The following SEC63 variants were observed in gnomAD, a reference collection of about 807,000 sequenced individuals.
The protein encoded by SEC63 is SEC63 protein translocation regulator.
SEC63 carries 56 observed loss-of-function variants against 116.2 expected under a neutral mutation model. The observed-to-expected ratio is 0.48, with a 90% CI of 0.39 to 0.60. The LOEUF (loss-of-function observed/expected upper bound fraction) is 0.60. SEC63 is among the 20% of genes least tolerant of loss of function. SEC63 has a pLI of 0.00. For synonymous variants in SEC63, 273 were observed against 294.6 expected, an observed-to-expected ratio of 0.93 and a Z score of 0.75; for missense variants, 668 against 900.0, an observed-to-expected ratio of 0.74 and a Z score of 3.30.
chr6:107,929,386 A>C, intron 2 of SEC63, 29 bp downstream of exon 2: 1 of 1,124,366 alleles, frequency 8.9e-7, no homozygotes, highest in Non-Finnish European at 1.4e-6. Flanking sequence ...AGCATTAAGT[A>C]GGTTTTTTTC....
At chr6:107,896,871 C>T (rs560567553) in intron 14 of SEC63, among the ~76,000 whole-genome samples, 3 of 151,584 alleles carry the variant, frequency 2.0e-5, no homozygotes, top group South Asian at 4.2e-4. Context: ...CCCAGCTACT[C>T]GGGAGGCTGA....
intron 4 of SEC63, among the ~76,000 whole-genome samples, chr6:107,916,679 TC>T (rs1431269933): frequency 6.6e-6 from 1 of 152,362 alleles, no homozygotes; most frequent in African/African-American, 2.4e-5. Flanking sequence ...TTGGTAAGTC[TC>T]ACAATATATC....
chr6:107,921,777 T>G lies in SEC63; in HGVS notation c.452+20A>C. The G allele has an allele frequency of 6.8e-7, 1 of 1,464,784 alleles. No individual in the cohort carries two copies. The highest frequency in any genetic ancestry group is 2.3e-5 in the East Asian group (1 of 44,192). The allele number at this position is 1,464,784 out of a possible 1,614,324, so 90.7% of individuals were successfully genotyped here. On this transcript the variant is annotated intron_variant, in intron 4 of 20. Transcript: ENST00000369002. ...TATCTGTACCATTCTTAAAAATTTG[T>G]AATGGATCCTGATACTTACGCAGCA...
rs762970611 is a variant in SEC63, at chr6:107,893,671, C to T, written c.1501-16G>A. The stretch of plus-strand genomic sequence containing the variant: ...TTTCACCCTGCTGTGAATCATAACA[C>T]GTCACACTCTTAAGTTATAGCAACA... On this transcript the variant is annotated splice_polypyrimidine_tract_variant and intron_variant, in intron 15 of 20. Transcript: ENST00000369002. The T allele has an allele frequency of 5.0e-6, 8 of 1,613,462 alleles. No individual in the cohort carries two copies. Among genetic ancestry groups the T allele is most frequent in the Admixed American group, 3.3e-5 (2 of 59,972 alleles).
At position 107,893,189 on chromosome 6, in the gene SEC63, A is replaced by G. The variant is rs145989850; in HGVS notation, c.1674+293T>C. 1.8e-3 allele frequency among the ~76,000 whole-genome samples: 276 copies of G among 152,062 alleles called. 1 individual carries two copies. The highest frequency in any genetic ancestry group is 6.0e-3 in the African/African-American group (249 of 41,486). On this transcript the variant is annotated intron_variant, in intron 16 of 20. Transcript: ENST00000369002. ...CTACTGCTACAAACAATACAGAGGGATTATCATGAACATAATGCTGAATGA... is the reference window on the plus strand; with the variant it reads ...CTACTGCTACAAACAATACAGAGGGGTTATCATGAACATAATGCTGAATGA...
intron 7 of SEC63, among the ~76,000 whole-genome samples, chr6:107,910,612 C>CAT (rs781040151): frequency 1.5e-4 from 23 of 152,006 alleles, no homozygotes; most frequent in Non-Finnish European, 2.9e-5. Flanking sequence ...ACGTGTCATA[C>CAT]ATATATGCAC....
chr6:107,928,277 G>A (rs1301454069), intron 2 of SEC63, among the ~76,000 whole-genome samples: 1 of 152,046 alleles, frequency 6.6e-6, no homozygotes, highest in Non-Finnish European at 1.5e-5. Context: ...GAGCCCAAGA[G>A]TTCGAGACCA....
Position 107,897,749 on chromosome 6 carries a change from A to G in SEC63, c.1358-18T>C. 6.6e-7 allele frequency: 1 copy of G among 1,505,890 alleles called. No homozygotes were observed. Among genetic ancestry groups the G allele is most frequent in the Non-Finnish European group, 9.2e-7 (1 of 1,081,900 alleles). 93.3% of individuals were successfully genotyped at this position (1,505,890 alleles called of 1,614,324 possible). ...ATCTAACACTGTTAAGATGGAAGAA[A>G]AAAAACAGCAAAAAATAAAAATCAA... On this transcript the variant is annotated intron_variant, in intron 13 of 20. Transcript: ENST00000369002.
chr6:107,879,678 C>G (rs1786365990), intron 18 of SEC63, among the ~76,000 whole-genome samples: 1 of 151,128 alleles, frequency 6.6e-6, no homozygotes, highest in Non-Finnish European at 1.5e-5. Flanking sequence ...CATGCAGATG[C>G]AGATTAAATT....
intron 1 of SEC63, among the ~76,000 whole-genome samples, chr6:107,937,802 T>C (rs1770289920): frequency 6.6e-6 from 1 of 152,176 alleles, no homozygotes; most frequent in South Asian, 2.1e-4. Flanking sequence ...ATGTTGAGCA[T>C]TTTTCATGTT....
intron 3 of SEC63, among the ~76,000 whole-genome samples, chr6:107,922,896 T>C (rs1787590745): frequency 6.6e-6 from 1 of 151,926 alleles, no homozygotes; most frequent in East Asian, 1.9e-4. Context: ...GTAAGTGCCA[T>C]GGGGGAGAAA....
At chr6:107,910,535 TCATA>T (rs1467349357) in intron 7 of SEC63, among the ~76,000 whole-genome samples, 5 of 145,012 alleles carry the variant, frequency 3.4e-5, no homozygotes, top group Non-Finnish European at 1.6e-5. Flanking sequence ...TATATGCATG[TCATA>T]CATATATACA....
chr6:107,912,301 C>T (rs552513491), intron 6 of SEC63, among the ~76,000 whole-genome samples: 1 of 152,260 alleles, frequency 6.6e-6, no homozygotes, highest in East Asian at 1.9e-4. Flanking sequence ...TAAAATTAGG[C>T]ATAGTGCTCA....
intron 19 of SEC63, among the ~76,000 whole-genome samples, chr6:107,873,563 C>A (rs1364632318): frequency 1.3e-5 from 2 of 151,844 alleles, no homozygotes; most frequent in Non-Finnish European, 2.9e-5. Flanking sequence ...TAGAAAAAAT[C>A]ATGAAGGAAT....
chr6:107,957,876 C>A lies in SEC63; in HGVS notation c.124+10G>T. 6.2e-7 allele frequency: 1 copy of A among 1,608,336 alleles called. No homozygotes were observed. The highest frequency in any genetic ancestry group is 1.1e-5 in the South Asian group (1 of 90,762). The stretch of plus-strand genomic sequence containing the variant: ...GCGCGGGTTCGCGGGCAAAGGCCGG[C>A]GGGACTCACCGGCATTCTGATCTCG... On this transcript the variant is annotated intron_variant, in intron 1 of 20. Coordinates refer to ENST00000369002, the MANE Select transcript of SEC63 (RefSeq NM_007214.5).
chr6:107,921,219 G>GT (rs1331067778), intron 4 of SEC63, among the ~76,000 whole-genome samples: 8 of 151,704 alleles, frequency 5.3e-5, no homozygotes, highest in African/African-American at 1.9e-4. Flanking sequence ...TCTAGAAATG[G>GT]TAAGATCTAA....
intron 1 of SEC63, 172 bp downstream of exon 1, chr6:107,957,714 G>C (rs1770738649): frequency 1.9e-6 from 1 of 518,792 alleles, no homozygotes; most frequent in African/African-American, 2.0e-5. Flanking sequence ...AGCGCCGAGG[G>C]AAACGCTGCT....
At chr6:107,880,988 T>C (rs1786401870) in intron 18 of SEC63, 161 bp downstream of exon 18, 1 of 624,072 alleles carries the variant, frequency 1.6e-6, no homozygotes. Flanking sequence ...CTAAGTATAA[T>C]ACCTATTGTA....
intron 1 of SEC63, among the ~76,000 whole-genome samples, chr6:107,951,349 A>G (rs1770574225): frequency 6.6e-6 from 1 of 152,246 alleles, no homozygotes; most frequent in Non-Finnish European, 1.5e-5. Context: ...TGTATCATTA[A>G]AGTTGTTTGA....
Sources: gnomAD v4.1 joint callset for allele counts (sites outside exome capture counted in the v4.1 genomes callset) on GRCh38, gnomAD v4.1.1 for gene constraint, MANE v1.5 for transcripts, NCBI Gene and HGNC (gene_info 2026-07-23, HGNC 2026-07-21) for gene names.